SLCO2A1: variants seen among roughly 807,000 people sequenced by gnomAD.
SLCO2A1 encodes the protein solute carrier organic anion transporter family member 2A1.
A neutral mutation model predicts 71.7 loss-of-function variants in SLCO2A1; 60 were observed. That is an observed-to-expected ratio of 0.84 (90% CI 0.68 to 1.04). The LOEUF (loss-of-function observed/expected upper bound fraction) is 1.04, where lower values mean the gene tolerates loss of function less well. Among genes scored for constraint, SLCO2A1 ranks in the 50% least tolerant of loss-of-function variants. SLCO2A1 has a pLI of 0.00. For synonymous variants in SLCO2A1, 308 were observed against 326.7 expected, an observed-to-expected ratio of 0.94 and a Z score of 0.62; for missense variants, 745 against 813.4, an observed-to-expected ratio of 0.92 and a Z score of 1.02.
In SLCO2A1 at chr3:134,029,867, G is replaced by A. The variant is rs149606360; in HGVS notation, c.-65C>T. The A allele has an allele frequency of 9.8e-7, 1 of 1,023,322 alleles. No individual in the cohort carries two copies. The highest frequency in any genetic ancestry group is 1.3e-6 in the Non-Finnish European group (1 of 782,878). 63.4% of individuals were successfully genotyped at this position (1,023,322 alleles called of 1,614,324 possible). On this transcript the variant is annotated 5_prime_UTR_variant, in exon 1 of 14. Coordinates refer to ENST00000310926, the MANE Select transcript of SLCO2A1 (RefSeq NM_005630.3). ...CGGGGCGCCTCGGGCTGGAGCGGCC[G>A]GGCGGGTGAGAGGCGACCGCGGCGG...
At chr3:133,945,039 C>A in intron 10 of SLCO2A1, 56 bp downstream of exon 10, 1 of 1,560,584 alleles carries the variant, frequency 6.4e-7, no homozygotes, top group Admixed American at 1.9e-5. Context: ...AGGGCATGCG[C>A]TGAGCTCCGA....
At chr3:133,936,029 G>T in intron 12 of SLCO2A1, 132 bp from the exon 13 acceptor site, 1 of 927,268 alleles carries the variant, frequency 1.1e-6, no homozygotes, top group Non-Finnish European at 1.5e-6. Context: ...AGGACTCACA[G>T]TGACTCTGGA....
intron 9 of SLCO2A1, among the ~76,000 whole-genome samples, chr3:133,945,929 C>T (rs111954175): frequency 2.6e-5 from 4 of 152,292 alleles, no homozygotes; most frequent in South Asian, 2.1e-4. Flanking sequence ...ATCATCACAA[C>T]GAGTCTACAG....
chr3:134,020,696 T>C (rs868114777), intron 1 of SLCO2A1, among the ~76,000 whole-genome samples: 28 of 149,634 alleles, frequency 1.9e-4, no homozygotes, highest in Middle Eastern at 3.5e-3. Flanking sequence ...TGGTTTTGGT[T>C]TTGACTTGGT....
intron 1 of SLCO2A1, among the ~76,000 whole-genome samples, chr3:133,983,468 C>T (rs1237380075): frequency 6.6e-6 from 1 of 152,210 alleles, no homozygotes; most frequent in Non-Finnish European, 1.5e-5. Context: ...TAAATGTGGC[C>T]ATTGTTTTAA....
At chr3:133,969,141 T>C (rs1036210236) in intron 3 of SLCO2A1, among the ~76,000 whole-genome samples, 2 of 152,166 alleles carry the variant, frequency 1.3e-5, no homozygotes, top group African/African-American at 2.4e-5. Flanking sequence ...AATAGAAATA[T>C]GCTGAGCAGG....
At chr3:133,996,662 G>A (rs186394158) in intron 1 of SLCO2A1, among the ~76,000 whole-genome samples, 24 of 152,270 alleles carry the variant, frequency 1.6e-4, no homozygotes, top group Admixed American at 2.6e-4. Context: ...CCTGCCTGCC[G>A]AGAGATCTGG....
chr3:133,964,941 C>T (rs1165115888), intron 3 of SLCO2A1, among the ~76,000 whole-genome samples: 1 of 152,160 alleles, frequency 6.6e-6, no homozygotes, highest in Non-Finnish European at 1.5e-5. Context: ...ATCATCAGAG[C>T]TGGTTCTTTA....
intron 1 of SLCO2A1, among the ~76,000 whole-genome samples, chr3:134,018,099 T>A (rs535519791): frequency 6.6e-6 from 1 of 152,154 alleles, no homozygotes; most frequent in East Asian, 1.9e-4. Context: ...GAGCGACCCA[T>A]GGCCCACCTG....
intron 3 of SLCO2A1, among the ~76,000 whole-genome samples, chr3:133,970,650 C>A (rs988266516): frequency 3.3e-5 from 5 of 152,248 alleles, no homozygotes; most frequent in African/African-American, 1.2e-4. Context: ...CTCATCCCAC[C>A]CCCTGGCACC....
chr3:133,937,545 G>A (rs747629198), intron 12 of SLCO2A1, among the ~76,000 whole-genome samples: 8 of 152,280 alleles, frequency 5.3e-5, no homozygotes, highest in African/African-American at 1.7e-4. Context: ...ACTGCAGGGC[G>A]CGGTGTTGAC....
At chr3:133,959,407 A>AAAC (rs1171489446) in intron 3 of SLCO2A1, among the ~76,000 whole-genome samples, 4 of 152,080 alleles carry the variant, frequency 2.6e-5, no homozygotes, top group African/African-American at 9.7e-5. Context: ...CAAAAAAAAA[A>AAAC]AAAACAGAAA....
At position 133,979,612 on chromosome 3, in the gene SLCO2A1, C is replaced by G; in HGVS notation, c.103G>C (p.Val35Leu). The stretch of plus-strand genomic sequence containing the variant: ...AGCTGCAGGAGGCCTTGGCAGAGCA[C>G]AAACACCTGGGGGAAGAGTGATGGG... ...RSVFGNIKVF[V>L]LCQGLLQLCQ... Residue 35 changes from valine to leucine, a missense_variant, in exon 2 of 14, where the codon GTG becomes CTG. By Grantham distance (32) the Val-to-Leu change is conservative. Coordinates refer to ENST00000310926, the MANE Select transcript of SLCO2A1 (RefSeq NM_005630.3). The G allele has an allele frequency of 1.9e-6, 3 of 1,610,964 alleles. No homozygotes were observed. The highest frequency in any genetic ancestry group is 2.5e-6 in the Non-Finnish European group (3 of 1,178,524).
intron 1 of SLCO2A1, among the ~76,000 whole-genome samples, chr3:134,028,300 A>G (rs1935738610): frequency 6.6e-6 from 1 of 152,020 alleles, no homozygotes; most frequent in Non-Finnish European, 1.5e-5. Flanking sequence ...TTTCATCTCA[A>G]TTCCTAATTT....
chr3:133,984,712 G>A (rs1934670945), intron 1 of SLCO2A1, among the ~76,000 whole-genome samples: 1 of 152,200 alleles, frequency 6.6e-6, no homozygotes, highest in Non-Finnish European at 1.5e-5. Flanking sequence ...AGAGTACATG[G>A]AGATGTATTG....
intron 1 of SLCO2A1, among the ~76,000 whole-genome samples, chr3:134,000,565 G>A (rs1935086586): frequency 6.6e-6 from 1 of 152,088 alleles, no homozygotes; most frequent in Non-Finnish European, 1.5e-5. Flanking sequence ...TAGATCACTG[G>A]GTTTTAGCCT....
At chr3:133,986,456 A>G (rs1934715823) in intron 1 of SLCO2A1, among the ~76,000 whole-genome samples, 1 of 152,318 alleles carries the variant, frequency 6.6e-6, no homozygotes, top group East Asian at 1.9e-4. Flanking sequence ...GACACATCTT[A>G]TAGAAGGAAG....
At chr3:134,005,295 T>C (rs1195531450) in intron 1 of SLCO2A1, among the ~76,000 whole-genome samples, 1 of 152,234 alleles carries the variant, frequency 6.6e-6, no homozygotes, top group Non-Finnish European at 1.5e-5. Context: ...AGTAGATAAA[T>C]CATCTTTCTT....
At chr3:133,960,360 T>TTATACAG (rs1460069719) in intron 3 of SLCO2A1, among the ~76,000 whole-genome samples, 9 of 152,176 alleles carry the variant, frequency 5.9e-5, no homozygotes, top group Admixed American at 2.6e-4. Context: ...CAATGGAATA[T>TTATACAG]TATACAGCTG....
Sources: gnomAD v4.1 joint callset for allele counts (sites outside exome capture counted in the v4.1 genomes callset) on GRCh38, gnomAD v4.1.1 for gene constraint, MANE v1.5 for transcripts, NCBI Gene and HGNC (gene_info 2026-07-23, HGNC 2026-07-21) for gene names.